Variants in RCC1L observed in about 807,000 individuals in gnomAD.
RCC1L encodes the protein RCC1 like.
A neutral mutation model predicts 58.6 loss-of-function variants in RCC1L; 46 were observed. That is an observed-to-expected ratio of 0.79 (90% CI 0.62 to 1.00). The LOEUF is 1.00. Ranked by LOEUF, RCC1L falls within the 50% of genes least tolerant of loss-of-function variation. RCC1L has a pLI of 0.00. For synonymous variants in RCC1L, 281 were observed against 262.9 expected, an observed-to-expected ratio of 1.07 and a Z score of -0.67; for missense variants, 636 against 623.6, an observed-to-expected ratio of 1.02 and a Z score of -0.21.
At position 75,066,673 on chromosome 7, in the gene RCC1L, T is replaced by C. The variant is rs587710952; in HGVS notation, c.574A>G (p.Arg192Gly). 9.7e-5 allele frequency: 156 copies of C among 1,612,140 alleles called. No individual in the cohort carries two copies. The South Asian group carries it at 1.6e-3, about 16-fold the overall frequency. Residue 192 changes from arginine (R) to glycine (G), a missense_variant, in exon 3 of 11, where the codon AGG becomes GGG. Arg to Gly is a moderately radical substitution (Grantham distance 125). Coordinates refer to ENST00000610322, the MANE Select transcript of RCC1L (RefSeq NM_030798.5). ...GRAHSLVLTDREGVFSMGNNS... is the reference protein window; with the variant it reads ...GRAHSLVLTDGEGVFSMGNNS... ...CAATAGGTCAACTCACCTCCTTCCCTGTCAGTCAACACAAGAGAGTGAGCT... is the reference window on the plus strand; with the variant it reads ...CAATAGGTCAACTCACCTCCTTCCCCGTCAGTCAACACAAGAGAGTGAGCT...
intron 10 of RCC1L, among the ~76,000 whole-genome samples, chr7:75,045,085 T>C (rs1359588872): frequency 1.3e-5 from 2 of 152,148 alleles, no homozygotes; most frequent in African/African-American, 4.8e-5. Flanking sequence ...GTGCAATCAC[T>C]GCAGGCTTAA....
chr7:75,071,860 T>G (rs2115564113), intron 1 of RCC1L, among the ~76,000 whole-genome samples: 1 of 151,946 alleles, frequency 6.6e-6, no homozygotes, highest in Admixed American at 6.6e-5. Flanking sequence ...CTAAACGAGT[T>G]AATATAGCTA....
intron 10 of RCC1L, among the ~76,000 whole-genome samples, chr7:75,029,264 C>A (rs1266501165): frequency 2.0e-5 from 3 of 152,180 alleles, no homozygotes; most frequent in Non-Finnish European, 4.4e-5. Context: ...CTTTCTGAGC[C>A]TAGAGATCTG....
intron 5 of RCC1L, 144 bp downstream of exon 5, chr7:75,063,148 C>CTAT (rs1429647110): frequency 5.4e-6 from 5 of 923,262 alleles, no homozygotes; most frequent in Admixed American, 2.0e-5. Flanking sequence ...AAATCCTGGC[C>CTAT]TATAGTAAGT....
intron 10 of RCC1L, among the ~76,000 whole-genome samples, chr7:75,032,133 G>C (rs1805321091): frequency 6.6e-6 from 1 of 152,214 alleles, no homozygotes; most frequent in African/African-American, 2.4e-5. Flanking sequence ...GTGGAAACCA[G>C]GAGGTAAAGA....
Position 75,042,979 on chromosome 7 carries a change from C to T in RCC1L, c.*53G>A, listed in dbSNP as rs1805610618. 1 of 1,613,622 alleles carries T rather than the reference C, an allele frequency of 6.2e-7. No homozygotes were observed. The highest frequency in any genetic ancestry group is 1.3e-5 in the African/African-American group (1 of 74,940). ...GGGCTGGCCACGCGCTGGCCTCTGC[C>T]AAGGAGTGCCAGTGGTTCCCGGGAC... On this transcript the variant is annotated 3_prime_UTR_variant, in exon 11 of 11. Coordinates refer to ENST00000610322, the MANE Select transcript of RCC1L (RefSeq NM_030798.5).
chr7:75,033,684 GTCTC>G (rs1805367916), intron 10 of RCC1L, among the ~76,000 whole-genome samples: 1 of 147,732 alleles, frequency 6.8e-6, no homozygotes, highest in Non-Finnish European at 1.5e-5. Flanking sequence ...AACAGGGCGA[GTCTC>G]TATCAAAAAA....
chr7:75,061,093 G>T (rs1459231497), intron 6 of RCC1L, 114 bp downstream of exon 6: 1 of 882,258 alleles, frequency 1.1e-6, no homozygotes, highest in Non-Finnish European at 1.9e-6. Context: ...GTGATAAGAG[G>T]TAAGAGCTGA....
chr7:75,044,735 G>A (rs1352825957), intron 10 of RCC1L, among the ~76,000 whole-genome samples: 1 of 145,668 alleles, frequency 6.9e-6, no homozygotes, highest in Non-Finnish European at 1.5e-5. Flanking sequence ...TTTTGTTTTT[G>A]TTTTAAGAGA....
chr7:75,042,954 G>A lies in RCC1L; in HGVS notation c.*78C>T. The A allele has an allele frequency of 6.2e-7, 1 of 1,609,014 alleles. No homozygotes were observed. Among genetic ancestry groups the A allele is most frequent in the Non-Finnish European group, 8.5e-7 (1 of 1,177,400 alleles). On this transcript the variant is annotated 3_prime_UTR_variant, in exon 11 of 11. Coordinates refer to ENST00000610322, the MANE Select transcript of RCC1L (RefSeq NM_030798.5). The stretch of plus-strand genomic sequence containing the variant: ...GCCACCACCATCCAAGAACCCCGGG[G>A]GGCTGGCCACGCGCTGGCCTCTGCC...
At chr7:75,029,579 G>A (rs1035091711) in intron 10 of RCC1L, among the ~76,000 whole-genome samples, 1 of 151,906 alleles carries the variant, frequency 6.6e-6, no homozygotes, top group Admixed American at 6.6e-5. Context: ...CCTGACCTCA[G>A]GTGATCCGCC....
Position 75,042,330 on chromosome 7 carries a change from T to A in RCC1L, c.*702A>T. On this transcript the variant is annotated 3_prime_UTR_variant, in exon 11 of 11. Transcript: ENST00000610322. The stretch of plus-strand genomic sequence containing the variant: ...CTCCGCCTGGCACTGCAGCTGAGCC[T>A]TGGCGGATATGCTCGGGGCCCTCGG... 1.0e-6 allele frequency: 1 copy of A among 985,534 alleles called. No homozygotes were observed. The allele number at this position is 985,534 out of a possible 1,614,324, so 61.0% of individuals were successfully genotyped here.
intron 8 of RCC1L, among the ~76,000 whole-genome samples, chr7:75,057,258 C>T (rs1806109850): frequency 6.6e-6 from 1 of 152,146 alleles, no homozygotes; most frequent in Admixed American, 6.6e-5. Flanking sequence ...CAGGTGTGAG[C>T]CACCACACCC....
intron 10 of RCC1L, among the ~76,000 whole-genome samples, chr7:75,028,940 G>T (rs1337851091): frequency 2.6e-5 from 4 of 152,240 alleles, no homozygotes; most frequent in African/African-American, 9.6e-5. Context: ...GCACCAGGCT[G>T]CTGGTGGGAA....
At chr7:75,071,912 A>G (rs758905532) in intron 1 of RCC1L, among the ~76,000 whole-genome samples, 42 of 151,614 alleles carry the variant, frequency 2.8e-4, no homozygotes, top group Non-Finnish European at 2.8e-4. Context: ...GGTAAGAGCT[A>G]TATTTTGAGC....
chr7:75,066,932 G>C, intron 2 of RCC1L, 140 bp from the exon 3 acceptor site: 2 of 1,189,402 alleles, frequency 1.7e-6, no homozygotes, highest in Non-Finnish European at 2.2e-6. Flanking sequence ...TAGGCGCAGA[G>C]CAAGGACCAG....
At chr7:75,041,420 C>T (rs1203944028), downstream of RCC1L, among the ~76,000 whole-genome samples, 1 of 152,028 alleles carries the variant, frequency 6.6e-6, no homozygotes, top group Non-Finnish European at 1.5e-5. Flanking sequence ...TACTGGGCAC[C>T]GATGGGGCAC....
At chr7:75,029,362 CTTT>C (rs1177516960) in intron 10 of RCC1L, among the ~76,000 whole-genome samples, 22 of 126,132 alleles carry the variant, frequency 1.7e-4, no homozygotes, top group Admixed American at 2.4e-4. Context: ...ATGGGGGGAT[CTTT>C]TTTTTTTTTT....
chr7:75,057,662 A>G, intron 7 of RCC1L, 46 bp from the exon 8 acceptor site: 7 of 1,584,250 alleles, frequency 4.4e-6, no homozygotes, highest in Non-Finnish European at 6.1e-6. Flanking sequence ...CAAGCCAGTA[A>G]GGACCGGGAA....
Sources: gnomAD v4.1 joint callset for allele counts (sites outside exome capture counted in the v4.1 genomes callset) on GRCh38, gnomAD v4.1.1 for gene constraint, MANE v1.5 for transcripts, NCBI Gene and HGNC (gene_info 2026-07-23, HGNC 2026-07-21) for gene names.